PTPN7: variants seen among roughly 807,000 people sequenced by gnomAD.
PTPN7 encodes tyrosine-protein phosphatase non-receptor type 7.
PTPN7 carries 33 observed loss-of-function variants against 50.3 expected under a neutral mutation model. The observed-to-expected ratio is 0.66, with a 90% CI of 0.50 to 0.88. The LOEUF (loss-of-function observed/expected upper bound fraction) is 0.88, where lower values mean the gene tolerates loss of function less well. Among genes scored for constraint, PTPN7 ranks in the 40% least tolerant of loss-of-function variants. The pLI, the probability that PTPN7 is intolerant of heterozygous loss-of-function variation, is 0.00. For missense variants in PTPN7, 412 were observed against 475.4 expected (o/e 0.87, Z 1.24); for synonymous variants, 185 against 186.6 (o/e 0.99, Z 0.07).
upstream of PTPN7, chr1:202,160,893 T>G: frequency 1.4e-6 from 2 of 1,459,748 alleles, no homozygotes; most frequent in South Asian, 2.8e-5. The surrounding 1 kb of genome is among the most constrained non-coding windows in gnomAD (Gnocchi z 4.8). Flanking sequence ...GCCTACTTGC[T>G]GGGCACAGCT....
chr1:202,160,655 C>T (rs1425738499), upstream of PTPN7: 2 of 1,550,636 alleles, frequency 1.3e-6, no homozygotes, highest in Admixed American at 2.0e-5. This position sits in a 1 kb window ranked among gnomAD's most constrained non-coding sequence, Gnocchi z 4.8. Flanking sequence ...CTCCGCCCCT[C>T]CTTGCTGCCA....
At position 202,158,105 on chromosome 1, in the gene PTPN7, C is replaced by G. The variant is rs1218803002; in HGVS notation, c.306+13G>C. The stretch of plus-strand genomic sequence containing the variant: ...GAGGGCAGAGCGATTCAGAGGGGAC[C>G]CCAATTTCTTACCAAGAATTCTTCT... On this transcript the variant is annotated intron_variant, in intron 3 of 9. Coordinates refer to ENST00000691036, the MANE Select transcript of PTPN7 (RefSeq NM_002832.4). The G allele has an allele frequency of 1.9e-6, 3 of 1,577,866 alleles. No individual in the cohort carries two copies. The highest frequency in any genetic ancestry group is 2.6e-6 in the Non-Finnish European group (3 of 1,163,114).
intron 9 of PTPN7, among the ~76,000 whole-genome samples, chr1:202,149,074 T>C (rs189428873): frequency 6.6e-6 from 1 of 152,176 alleles, no homozygotes; most frequent in East Asian, 1.9e-4. Flanking sequence ...AGGGTGGTCT[T>C]GAACTCCTGA....
upstream of PTPN7, chr1:202,161,312 C>G (rs964647486): frequency 8.5e-7 from 1 of 1,170,706 alleles, no homozygotes; most frequent in Middle Eastern, 3.0e-4. Context: ...GGAGGGAGTC[C>G]GAGGGGCTTC....
Position 202,148,604 on chromosome 1 carries a change from G to T in PTPN7, c.*2C>A. The T allele has an allele frequency of 2.5e-6, 4 of 1,613,582 alleles. No individual in the cohort carries two copies. Among genetic ancestry groups the T allele is most frequent in the Non-Finnish European group, 3.4e-6 (4 of 1,179,680 alleles). On this transcript the variant is annotated 3_prime_UTR_variant, in exon 10 of 10. Coordinates refer to ENST00000691036, the MANE Select transcript of PTPN7 (RefSeq NM_002832.4). ...ACCTGGGCCACCGGAGGGTGGCAGG[G>T]GTCAGGGGCTGGGTTCCTCAGGCAG...
chr1:202,151,354 C>T (rs779616079), intron 8 of PTPN7, among the ~76,000 whole-genome samples: 4 of 152,302 alleles, frequency 2.6e-5, no homozygotes, highest in South Asian at 2.1e-4. Flanking sequence ...TTGCCTGGAA[C>T]GTGTTCCCTT....
intron 3 of PTPN7, 40 bp downstream of exon 3, chr1:202,158,078 C>A: frequency 6.5e-7 from 1 of 1,528,626 alleles, no homozygotes; most frequent in South Asian, 1.3e-5. Flanking sequence ...GCCTCTGATA[C>A]AGAGGGCAGA....
rs1001868389 is a variant in PTPN7, at chr1:202,159,121, G to C, written c.122+160C>G. 6 of 673,366 alleles carry C rather than the reference G, an allele frequency of 8.9e-6. No homozygotes were observed. The highest frequency in any genetic ancestry group is 7.2e-5 in the African/African-American group (4 of 55,444). The allele number at this position is 673,366 out of a possible 1,614,324, so 41.7% of individuals were successfully genotyped here. ...AACTCTGTGCTCCAGACATGCAAAA[G>C]ACATGCAAATGAGCACTACTGGTTT... On this transcript the variant is annotated intron_variant, in intron 2 of 9. Coordinates refer to ENST00000691036, the MANE Select transcript of PTPN7 (RefSeq NM_002832.4). The surrounding 1 kb of genome is among the most constrained non-coding windows in gnomAD (Gnocchi z 4.6).
Position 202,153,703 on chromosome 1 carries a change from C to T in PTPN7, c.717+22G>A, listed in dbSNP as rs375649342. 4 of 1,598,592 alleles carry T rather than the reference C, an allele frequency of 2.5e-6. No individual in the cohort carries two copies. The African/African-American group carries it at 5.4e-5, about 21-fold the overall frequency. ...GTGGGCGGCCCAACTTCCCACTGGG[C>T]CTGGCTCCGGGGGGGTGGTACCTGG... On this transcript the variant is annotated intron_variant, in intron 7 of 9. Transcript: ENST00000691036.
rs1657243733 is a variant in PTPN7, at chr1:202,160,422, C to T, written c.-53+123G>A. 2 of 1,033,222 alleles carry T rather than the reference C, an allele frequency of 1.9e-6. No homozygotes were observed. Among genetic ancestry groups the T allele is most frequent in the Non-Finnish European group, 2.8e-6 (2 of 710,182 alleles). 64.0% of individuals were successfully genotyped at this position (1,033,222 alleles called of 1,614,324 possible). A position where few individuals can be genotyped will look rare whatever the true frequency, so the allele number is the denominator to read the frequency against. Reference sequence around the variant, plus strand: ...ATCAGGTCTGTGAGCACCCATACCCCAGCCAGGCACTGTGGCGCCCCACTC... The same window carrying T: ...ATCAGGTCTGTGAGCACCCATACCCTAGCCAGGCACTGTGGCGCCCCACTC... On this transcript the variant is annotated intron_variant, in intron 1 of 9. Coordinates refer to ENST00000691036, the MANE Select transcript of PTPN7 (RefSeq NM_002832.4). This position sits in a 1 kb window ranked among gnomAD's most constrained non-coding sequence, Gnocchi z 4.8.
chr1:202,159,320 T>C lies in PTPN7; in HGVS notation c.83A>G (p.Glu28Gly). 1.2e-6 allele frequency: 2 copies of C among 1,614,210 alleles called. No individual in the cohort carries two copies. The highest frequency in any genetic ancestry group is 1.6e-4 in the Middle Eastern group (1 of 6,062). ...CACATGCTTCTTGGCTGGCGTTTTT[T>C]CAGGCGGAGGCTGGGTCATGGCTGC... ...LGAAMTQPPP[E>G]KTPAKKHVRL... Residue 28 changes from glutamate to glycine, a missense_variant, in exon 2 of 10, where the codon GAA (glutamate) becomes GGA (glycine). Coordinates refer to ENST00000691036, the MANE Select transcript of PTPN7 (RefSeq NM_002832.4). The surrounding 1 kb of genome is among the most constrained non-coding windows in gnomAD (Gnocchi z 4.6).
chr1:202,157,773 G>C lies in PTPN7; in HGVS notation c.357C>G (p.His119Gln). 1 of 1,614,112 alleles carries C rather than the reference G, an allele frequency of 6.2e-7. No individual in the cohort carries two copies. Among genetic ancestry groups the C allele is most frequent in the Non-Finnish European group, 8.5e-7 (1 of 1,179,972 alleles). ...TGGTCTTGTATCGGTCCTTGGAGGC[G>C]TGGCCAGGGATGTCCAGGTCTTCGG... ...VSPEDLDIPG[H>Q]ASKDRYKTIL... Residue 119 changes from histidine to glutamine, a missense_variant, in exon 4 of 10, where the codon CAC becomes CAG. Physicochemically the swap from His to Gln is conservative, Grantham distance 24 (BLOSUM62 0). Coordinates refer to ENST00000691036, the MANE Select transcript of PTPN7 (RefSeq NM_002832.4).
chr1:202,155,768 G>C (rs1398376607), intron 4 of PTPN7, among the ~76,000 whole-genome samples, 159 bp from the exon 5 acceptor site: 1 of 152,130 alleles, frequency 6.6e-6, no homozygotes, highest in East Asian at 1.9e-4. Flanking sequence ...TGTTTTTGTT[G>C]TTGTTTTTAG....
chr1:202,155,000 T>C (rs79821750), intron 5 of PTPN7, among the ~76,000 whole-genome samples: 2,662 of 152,268 alleles, frequency 0.017, 138 homozygotes, highest in East Asian at 0.15. Flanking sequence ...CTTACCCACA[T>C]TGAGTCACTA....
At chr1:202,154,668 G>A (rs748393623) in intron 5 of PTPN7, among the ~76,000 whole-genome samples, 2 of 152,202 alleles carry the variant, frequency 1.3e-5, no homozygotes, top group African/African-American at 4.8e-5. Flanking sequence ...GAGTCTAGCC[G>A]ATAGCAAGTG....
At position 202,148,409 on chromosome 1, in the gene PTPN7, G is replaced by T. The variant is rs1472478165; in HGVS notation, c.*197C>A. 7.8e-6 allele frequency: 4 copies of T among 514,494 alleles called. No homozygotes were observed. Among genetic ancestry groups the T allele is most frequent in the Non-Finnish European group, 1.4e-5 (4 of 288,200 alleles). The allele number at this position is 514,494 out of a possible 1,614,324, so 31.9% of individuals were successfully genotyped here. ...GGCCAACAGAGGAAGCAGAGGAGTG[G>T]CCAGTGTTGAAGACCTGGAATCCGG... is the stretch of plus-strand genomic sequence containing the variant. On this transcript the variant is annotated 3_prime_UTR_variant, in exon 10 of 10. Coordinates refer to ENST00000691036, the MANE Select transcript of PTPN7 (RefSeq NM_002832.4).
At chr1:202,153,915 TC>T in intron 6 of PTPN7, 80 bp from the exon 7 acceptor site, 2 of 1,191,852 alleles carry the variant, frequency 1.7e-6, no homozygotes, top group East Asian at 2.3e-5. Context: ...TGGTATCTCC[TC>T]CCCATCCTCC....
chr1:202,160,637 C>A (rs1198453525), upstream of PTPN7: 1 of 1,550,568 alleles, frequency 6.4e-7, no homozygotes. This position sits in a 1 kb window ranked among gnomAD's most constrained non-coding sequence, Gnocchi z 4.8. Context: ...AGGAAGCCAG[C>A]TTCCTCCCTC....
Position 202,158,219 on chromosome 1 carries a change from C to G in PTPN7, c.205G>C (p.Glu69Gln). The change falls in exon 3 of 10, where the codon GAG becomes CAG. Residue 69 changes from glutamate to glutamine, a missense_variant. Physicochemically the swap from Glu to Gln is conservative, Grantham distance 29. Transcript: ENST00000691036. ...EPICSVNTPREVTLHFLRTAG... is the reference protein window; with the variant it reads ...EPICSVNTPRQVTLHFLRTAG... ...GTGCGCAGAAAGTGTAGGGTGACCTCCCGGGGTGTGTTCACAGAGCAGATG... is the reference window on the plus strand; with the variant it reads ...GTGCGCAGAAAGTGTAGGGTGACCTGCCGGGGTGTGTTCACAGAGCAGATG... The G allele has an allele frequency of 1.9e-6, 3 of 1,614,104 alleles. No individual in the cohort carries two copies. The highest frequency in any genetic ancestry group is 2.5e-6 in the Non-Finnish European group (3 of 1,179,990).
Sources: allele counts gnomAD v4.1 joint callset (sites outside exome capture counted in the v4.1 genomes callset), GRCh38; gene constraint gnomAD v4.1.1; non-coding constraint Gnocchi (gnomAD v3.1); transcripts MANE v1.5; gene names NCBI Gene and HGNC (gene_info 2026-07-23, HGNC 2026-07-21).